The following RAD51D variants were observed in gnomAD, a reference collection of about 807,000 sequenced individuals.
RAD51D encodes RAD51 paralog D, also known as DNA repair protein RAD51 homolog 4.
Under a neutral mutation model 44.1 loss-of-function variants are expected in RAD51D, and 38 were observed. The ratio of observed to expected loss-of-function variants is 0.86; its 90% CI spans 0.67 to 1.13. The LOEUF is 1.13. Among genes scored for constraint, RAD51D ranks in the 50% most tolerant of loss-of-function variants. The pLI is 0.00. For synonymous variants in RAD51D, 141 were observed against 166.6 expected (o/e 0.85, Z 1.18); for missense variants, 390 against 414.0 (o/e 0.94, Z 0.50).
Position 35,099,834 on chromosome 17 carries a change from G to A in RAD51D, c.*1119C>T, listed in dbSNP as rs771025661. The A allele has an allele frequency of 2.2e-5, 11 of 501,520 alleles. No individual in the cohort carries two copies. The highest frequency in any genetic ancestry group is 1.8e-4 in the East Asian group (4 of 22,658). The allele number at this position is 501,520 out of a possible 1,614,324, so 31.1% of individuals were successfully genotyped here. A position where few individuals can be genotyped will look rare whatever the true frequency, so the allele number is the denominator to read the frequency against. ...TTATTTTCCATTCCCTGGTGTCTTC[G>A]TCCCCTCCCAGCCAGGGTCATGGCT... On this transcript the variant is annotated 3_prime_UTR_variant, in exon 10 of 10. Coordinates refer to ENST00000345365, the MANE Select transcript of RAD51D (RefSeq NM_002878.4).
chr17:35,100,455 TC>T lies in RAD51D; in HGVS notation c.*497del, dbSNP rs1184119054. On this transcript the variant is annotated 3_prime_UTR_variant, in exon 10 of 10. Transcript: ENST00000345365. The stretch of plus-strand genomic sequence containing the variant: ...AGAGTATTTCATTTATAAGCTTATT[TC>T]CACCCAGTAACTCAGAGACAGAGCT... 1 of 535,024 alleles carries T rather than the reference TC, an allele frequency of 1.9e-6. No individual in the cohort carries two copies. The highest frequency in any genetic ancestry group is 2.2e-5 in the Admixed American group (1 of 45,038). The allele number at this position is 535,024 out of a possible 1,614,324, so 33.1% of individuals were successfully genotyped here. A position where few individuals can be genotyped will look rare whatever the true frequency, so the allele number is the denominator to read the frequency against.
chr17:35,117,593 A>G (rs537706278), intron 3 of RAD51D, among the ~76,000 whole-genome samples: 162 of 152,158 alleles, frequency 1.1e-3, no homozygotes, highest in African/African-American at 3.8e-3. Context: ...ACATTCAAGC[A>G]ATTCTCCTGC....
chr17:35,119,138 T>A lies in RAD51D; in HGVS notation c.117A>T (p.Val39=), dbSNP rs876660008. 3.7e-6 allele frequency: 6 copies of A among 1,613,850 alleles called. No individual in the cohort carries two copies. The highest frequency in any genetic ancestry group is 5.1e-6 in the Non-Finnish European group (6 of 1,179,816). ...TGTAAGACAAGCCACATTTCTGAGC[T>A]ACCTCTTCCAGGTCTGCAGAAACCA... is the stretch of plus-strand genomic sequence containing the variant. The part of the protein sequence containing the change: ...VDLVSADLEE[V]AQKCGLSYKA... Residue 39 remains valine (V), a synonymous_variant, in exon 2 of 10, where the codon GTA becomes GTT. Transcript: ENST00000345365.
chr17:35,117,453 G>C (rs1171154031), intron 3 of RAD51D, among the ~76,000 whole-genome samples: 1 of 152,166 alleles, frequency 6.6e-6, no homozygotes, highest in Non-Finnish European at 1.5e-5. Flanking sequence ...TGTCGTCTTT[G>C]CAACTCTTCC....
chr17:35,114,199 G>A (rs1233309413), intron 3 of RAD51D, among the ~76,000 whole-genome samples: 3 of 152,058 alleles, frequency 2.0e-5, no homozygotes, highest in African/African-American at 4.8e-5. Flanking sequence ...ATGAACCCGG[G>A]AGGTGGAGCT....
chr17:35,115,393 C>T (rs1040931515), intron 3 of RAD51D: 3 of 461,204 alleles, frequency 6.5e-6, no homozygotes, highest in South Asian at 4.6e-5. Flanking sequence ...TCCCAAAGTA[C>T]GTTACATGCT....
At position 35,103,375 on chromosome 17, in the gene RAD51D, G is replaced by C. The variant is rs2142419380; in HGVS notation, c.668-51C>G. 6.2e-7 allele frequency: 1 copy of C among 1,609,936 alleles called. No individual in the cohort carries two copies. The highest frequency in any genetic ancestry group is 8.5e-7 in the Non-Finnish European group (1 of 1,176,310). On this transcript the variant is annotated intron_variant, in intron 7 of 9. Coordinates refer to ENST00000345365, the MANE Select transcript of RAD51D (RefSeq NM_002878.4). This position sits in a 1 kb window ranked among gnomAD's most constrained non-coding sequence, Gnocchi z 4.1. ...GGAGGGCAGTGGGGAACCAGGGATG[G>C]GGCTGGCCAGAGACCAGACTCCAGA...
chr17:35,113,829 C>T (rs1278421015), intron 3 of RAD51D, among the ~76,000 whole-genome samples: 1 of 152,180 alleles, frequency 6.6e-6, no homozygotes, highest in Non-Finnish European at 1.5e-5. Context: ...CAGCTCCGCT[C>T]CCCAAGACCT....
intron 3 of RAD51D, among the ~76,000 whole-genome samples, chr17:35,116,013 G>GAAAGAAAGAAAA (rs1555569879): frequency 6.7e-6 from 1 of 148,668 alleles, no homozygotes. Context: ...AAGAAAGAAA[G>GAAAGAAAGAAAA]GCTAGAAACC....
At position 35,097,279 on chromosome 17, in the gene RAD51D, C is replaced by T. The variant is rs1348822751; in HGVS notation, c.*3674G>A. ...GGATTACAGATGCGAGCCATCACAC[C>T]CAGCTAATTTTTGTATTTTTAGTAG... On this transcript the variant is annotated 3_prime_UTR_variant, in exon 10 of 10. Transcript: ENST00000345365. 6.6e-6 allele frequency: 1 copy of T among 152,024 alleles called. No individual in the cohort carries two copies. Among genetic ancestry groups the T allele is most frequent in the Admixed American group, 6.6e-5 (1 of 15,242 alleles). 9.4% of individuals were successfully genotyped at this position (152,024 alleles called of 1,614,324 possible). A position where few individuals can be genotyped will look rare whatever the true frequency, so the allele number is the denominator to read the frequency against.
chr17:35,115,532 C>T (rs1320965236), intron 3 of RAD51D, among the ~76,000 whole-genome samples: 1 of 152,110 alleles, frequency 6.6e-6, no homozygotes, highest in Non-Finnish European at 1.5e-5. Flanking sequence ...TCCCCTCCTC[C>T]CAAGTTTTAA....
chr17:35,118,743 T>C (rs1160477433), intron 2 of RAD51D, 124 bp from the exon 3 acceptor site: 14 of 789,942 alleles, frequency 1.8e-5, no homozygotes, highest in Non-Finnish European at 3.1e-5. Context: ...GGATGGACTT[T>C]TGTTATTGTT....
rs28363281 is a variant in RAD51D at position 35,103,755 on chromosome 17, A to G, written c.577-211T>C. Reference sequence around the variant, plus strand: ...GACTTCAATGAAGACTTGGGTAGAAAGAAAGGGTTTAAATCACAGGACATC... The same window carrying G: ...GACTTCAATGAAGACTTGGGTAGAAGGAAAGGGTTTAAATCACAGGACATC... On this transcript the variant is annotated intron_variant, in intron 6 of 9. Coordinates refer to ENST00000345365, the MANE Select transcript of RAD51D (RefSeq NM_002878.4). The surrounding 1 kb of genome is among the most constrained non-coding windows in gnomAD (Gnocchi z 4.1). 0.013 allele frequency among the ~76,000 whole-genome samples: 1,911 copies of G among 152,360 alleles called. 16 individuals carry two copies. The highest frequency in any genetic ancestry group is 0.02 in the Non-Finnish European group (1,380 of 68,036).
intron 3 of RAD51D, among the ~76,000 whole-genome samples, chr17:35,117,886 G>C (rs748321711): frequency 2.6e-5 from 4 of 152,152 alleles, no homozygotes; most frequent in Non-Finnish European, 4.4e-5. Flanking sequence ...TCCCGCGCTT[G>C]AGCCTCACCT....
intron 5 of RAD51D, 50 bp from the exon 6 acceptor site, chr17:35,106,531 G>C (rs755190843): frequency 2.1e-6 from 3 of 1,413,544 alleles, no homozygotes; most frequent in Non-Finnish European, 3.0e-6. Flanking sequence ...AGGGAGTAGG[G>C]GGGTCAAGGT....
At chr17:35,119,008 C>T in intron 2 of RAD51D, 103 bp downstream of exon 2, 1 of 1,168,998 alleles carries the variant, frequency 8.6e-7, no homozygotes. Flanking sequence ...CCTCGGCCTC[C>T]CAAAGTGCTG....
chr17:35,113,133 G>A (rs1448385913), intron 3 of RAD51D, among the ~76,000 whole-genome samples: 1 of 152,144 alleles, frequency 6.6e-6, no homozygotes, highest in Non-Finnish European at 1.5e-5. Context: ...GCCACGGCCT[G>A]TACCAATGCC....
At chr17:35,116,800 G>T (rs1301968648) in intron 3 of RAD51D, 3 of 1,347,926 alleles carry the variant, frequency 2.2e-6, no homozygotes, top group Non-Finnish European at 1.0e-6. Context: ...GGCCTAGAAT[G>T]ATGATTTAAA....
rs547853095 is a variant in RAD51D at position 35,107,224 on chromosome 17, G to A, written c.346-102C>T. ...GATTCCAGCAACACAAATGGGCTGA[G>A]TCCCGACCCCATTCCTTATTACCCA... is the stretch of plus-strand genomic sequence containing the variant. On this transcript the variant is annotated intron_variant, in intron 4 of 9. Transcript: ENST00000345365. 247 of 1,504,662 alleles carry A rather than the reference G, an allele frequency of 1.6e-4. 5 individuals are homozygous for A. The South Asian group carries it at 2.6e-3, about 16-fold the overall frequency. The allele number at this position is 1,504,662 out of a possible 1,614,324, so 93.2% of individuals were successfully genotyped here.
Sources: allele counts gnomAD v4.1 joint callset (sites outside exome capture counted in the v4.1 genomes callset), GRCh38; gene constraint gnomAD v4.1.1; non-coding constraint Gnocchi (gnomAD v3.1); transcripts MANE v1.5; gene names NCBI Gene and HGNC (gene_info 2026-07-23, HGNC 2026-07-21).